CFAP92: variants seen among roughly 807,000 people sequenced by gnomAD.
CFAP92 encodes the protein uncharacterized protein CFAP92.
CFAP92 carries 86 observed loss-of-function variants against 106.3 expected under a neutral mutation model. The observed-to-expected ratio is 0.81, with a 90% CI of 0.68 to 0.97. The LOEUF (loss-of-function observed/expected upper bound fraction) is 0.97, where lower values mean the gene tolerates loss of function less well. Ranked by LOEUF, CFAP92 falls within the 50% of genes least tolerant of loss-of-function variation. The pLI is 0.00. For missense variants in CFAP92, 1,204 were observed against 1,283.8 expected (o/e 0.94, Z 0.95); for synonymous variants, 477 against 506.4 (o/e 0.94, Z 0.78).
At chr3:129,010,361 G>A in the CFAP92 span, among the ~76,000 whole-genome samples, 1 of 152,238 alleles carries the variant, frequency 6.6e-6, no homozygotes, top group Admixed American at 6.5e-5. This position sits in a 1 kb window ranked among gnomAD's most constrained non-coding sequence, Gnocchi z 4.3. Context: ...GGCAGCCTAG[G>A]GCCAGCACCA....
chr3:128,945,769 C>T lies in CFAP92; in HGVS notation c.1560G>A (p.Glu520=), dbSNP rs1385879964. ...CAAACAGCACGGGCTTCTGAGAACA[C>T]TCCTCTGACTTGCGGTCCCGGTCGT... The part of the protein sequence containing the change: ...EVHDRDRKSE[E]CSQKPVLFGE... Residue 520 remains glutamate (E), a synonymous_variant, in exon 10 of 16, where the codon GAG becomes GAA. Coordinates refer to ENST00000645291, the MANE Select transcript of CFAP92 (RefSeq NM_001394090.1). 4 of 1,533,270 alleles carry T rather than the reference C, an allele frequency of 2.6e-6. No homozygotes were observed. Among genetic ancestry groups the T allele is most frequent in the Non-Finnish European group, 3.5e-6 (4 of 1,145,702 alleles). The allele number at this position is 1,533,270 out of a possible 1,614,324, so 95.0% of individuals were successfully genotyped here. A position where few individuals can be genotyped will look rare whatever the true frequency, so the allele number is the denominator to read the frequency against.
chr3:128,975,509 GGGAT>G (rs1376727740), intron 7 of CFAP92, among the ~76,000 whole-genome samples: 2 of 151,816 alleles, frequency 1.3e-5, no homozygotes, highest in Non-Finnish European at 2.9e-5. Flanking sequence ...TGAATGGATG[GGGAT>G]GGATGAATGA....
chr3:128,944,127 A>T (rs1448878994), intron 10 of CFAP92, among the ~76,000 whole-genome samples: 1 of 151,232 alleles, frequency 6.6e-6, no homozygotes, highest in East Asian at 2.0e-4. Context: ...ACAAGGTATC[A>T]CTATGTTGCC....
At chr3:128,942,893 G>C (rs1429463006) in intron 10 of CFAP92, among the ~76,000 whole-genome samples, 1 of 141,052 alleles carries the variant, frequency 7.1e-6, no homozygotes, top group Non-Finnish European at 1.5e-5. Flanking sequence ...TGTTGGCAAA[G>C]CTGGTCTTGA....
chr3:128,966,521 C>T (rs1942372674), intron 8 of CFAP92: 1 of 152,014 alleles, frequency 6.6e-6, no homozygotes, highest in African/African-American at 2.4e-5. Flanking sequence ...TGAATTGAGC[C>T]ATTGCAAGGC....
At chr3:128,925,438 C>T (rs1937580807) in intron 12 of CFAP92, among the ~76,000 whole-genome samples, 1 of 152,186 alleles carries the variant, frequency 6.6e-6, no homozygotes, top group Non-Finnish European at 1.5e-5. Flanking sequence ...GCTACTGTTC[C>T]ATAGCCTGGG....
chr3:129,004,371 C>T (rs1944969290), upstream of CFAP92, among the ~76,000 whole-genome samples: 1 of 124,966 alleles, frequency 8.0e-6, no homozygotes, highest in Non-Finnish European at 1.7e-5. Context: ...TTCACTCACC[C>T]CCCCCACCCA....
At position 128,945,068 on chromosome 3, in the gene CFAP92, TA is replaced by T; in HGVS notation, c.2258+2del. The T allele has an allele frequency of 2.6e-6, 4 of 1,510,228 alleles. No homozygotes were observed. The highest frequency in any genetic ancestry group is 3.5e-6 in the Non-Finnish European group (4 of 1,132,468). 93.6% of individuals were successfully genotyped at this position (1,510,228 alleles called of 1,614,324 possible). ...TATGTAAAATGTAAAACAAACCACCTACCAGCTTTGGTGGTTCTCCCACAGC... is the reference window on the plus strand; with the variant it reads ...TATGTAAAATGTAAAACAAACCACCTCCAGCTTTGGTGGTTCTCCCACAGC... On this transcript the variant is annotated splice_donor_variant, in intron 10 of 15. Transcript: ENST00000645291. LOFTEE classifies it high-confidence loss of function.
chr3:128,962,897 C>G (rs1942055719), intron 9 of CFAP92, among the ~76,000 whole-genome samples: 1 of 152,190 alleles, frequency 6.6e-6, no homozygotes, highest in Non-Finnish European at 1.5e-5. Context: ...AACCCATATA[C>G]TCTCCTATCC....
At chr3:128,977,511 C>T (rs549689344) in intron 5 of CFAP92, among the ~76,000 whole-genome samples, 32 of 152,312 alleles carry the variant, frequency 2.1e-4, no homozygotes, top group African/African-American at 7.5e-4. Flanking sequence ...TTGTTTTATA[C>T]TTTTATCTAT....
At chr3:128,963,854 C>T (rs951385485) in intron 9 of CFAP92, among the ~76,000 whole-genome samples, 1 of 150,788 alleles carries the variant, frequency 6.6e-6, no homozygotes, top group Non-Finnish European at 1.5e-5. Flanking sequence ...TATTCAGGCC[C>T]CCTCCCTTCC....
At chr3:129,023,860 A>T in the CFAP92 span, among the ~76,000 whole-genome samples, 4 of 152,226 alleles carry the variant, frequency 2.6e-5, no homozygotes, top group African/African-American at 7.2e-5. Flanking sequence ...CAAAGCTGAT[A>T]GGAACTGGGA....
upstream of CFAP92, among the ~76,000 whole-genome samples, chr3:129,004,365 C>T (rs1944967912): frequency 7.3e-6 from 1 of 136,278 alleles, no homozygotes; most frequent in African/African-American, 2.7e-5. Context: ...TGTCCATTCA[C>T]TCACCCCCCC....
At chr3:128,933,382 G>A (rs1219570929) in intron 11 of CFAP92, among the ~76,000 whole-genome samples, 2 of 152,222 alleles carry the variant, frequency 1.3e-5, no homozygotes, top group African/African-American at 2.4e-5. Context: ...CAGGGGGCTG[G>A]CTGTTAATAG....
chr3:128,993,940 G>C, intron 1 of CFAP92, 40 bp downstream of exon 1: 1 of 987,972 alleles, frequency 1.0e-6, no homozygotes, highest in Non-Finnish European at 1.2e-6. Flanking sequence ...GGCCGAGGTG[G>C]GGGCAGGGGT....
At chr3:128,918,822 A>G (rs1054352765) in intron 12 of CFAP92, among the ~76,000 whole-genome samples, 3 of 152,234 alleles carry the variant, frequency 2.0e-5, no homozygotes, top group African/African-American at 7.2e-5. Context: ...CCACAGAAGA[A>G]AACTTGATCT....
chr3:128,928,407 A>T (rs1038786780), intron 12 of CFAP92, among the ~76,000 whole-genome samples: 17 of 152,204 alleles, frequency 1.1e-4, no homozygotes, highest in African/African-American at 4.1e-4. Flanking sequence ...TACACAATCC[A>T]ACTAACTAAC....
chr3:128,975,044 C>T (rs1234587574), intron 7 of CFAP92, among the ~76,000 whole-genome samples: 14 of 151,858 alleles, frequency 9.2e-5, no homozygotes, highest in East Asian at 3.9e-4. Context: ...GGCGTGAACC[C>T]GGGAGACAGA....
intron 12 of CFAP92, among the ~76,000 whole-genome samples, chr3:128,921,907 G>A (rs1356059983): frequency 6.6e-6 from 1 of 152,104 alleles, no homozygotes; most frequent in Non-Finnish European, 1.5e-5. Flanking sequence ...CCTTCCTGGG[G>A]AGCCACCAAA....
Sources: allele counts gnomAD v4.1 joint callset (sites outside exome capture counted in the v4.1 genomes callset), GRCh38; gene constraint gnomAD v4.1.1; non-coding constraint Gnocchi (gnomAD v3.1); transcripts MANE v1.5; gene names NCBI Gene and HGNC (gene_info 2026-07-23, HGNC 2026-07-21).